Variants in THBS4 observed in about 807,000 individuals in gnomAD.
The protein encoded by THBS4 is thrombospondin-4.
Under a neutral mutation model 115.7 loss-of-function variants are expected in THBS4, and 90 were observed. The ratio of observed to expected loss-of-function variants is 0.78; its 90% CI spans 0.66 to 0.93. The LOEUF is 0.93. Ranked by LOEUF, THBS4 falls within the 40% of genes least tolerant of loss-of-function variation. The probability of loss-of-function intolerance (pLI) is 0.00; values close to 1 mark genes in which losing one functional copy is unlikely to be tolerated. For synonymous variants in THBS4, 460 were observed against 479.3 expected (o/e 0.96, Z 0.53); for missense variants, 1,087 against 1,232.7 (o/e 0.88, Z 1.77).
chr5:80,082,633 A>G, intron 21 of THBS4, 88 bp downstream of exon 21: 10 of 1,518,140 alleles, frequency 6.6e-6, no homozygotes, highest in Non-Finnish European at 9.0e-6. Flanking sequence ...TTCCCCCCCA[A>G]AAGCCCAACG....
chr5:80,051,159 CT>C (rs1234151335), intron 2 of THBS4, among the ~76,000 whole-genome samples: 2 of 152,194 alleles, frequency 1.3e-5, no homozygotes, highest in Admixed American at 1.3e-4. Flanking sequence ...TGTCTGTTCT[CT>C]TCCCCTTCCC....
rs149360210 is a variant in THBS4, at chr5:80,059,783, C to G, written c.865C>G (p.Arg289Gly). 6.2e-7 allele frequency: 1 copy of G among 1,614,178 alleles called. No homozygotes were observed. The highest frequency in any genetic ancestry group is 1.6e-4 in the Middle Eastern group (1 of 6,062). The change falls in exon 7 of 22, where the codon CGG becomes GGG. Residue 289 changes from arginine (R) to glycine (G), a missense_variant. Arg to Gly is a moderately radical substitution (Grantham distance 125). Transcript: ENST00000350881. ...TGCACCGCCAACACGCCCACCTCGT[C>G]GGTGTGACTCCAACCCATGTTTCCG... The part of the protein sequence containing the change: ...PPAPPTRPPR[R>G]CDSNPCFRGV...
At chr5:80,069,302 A>G (rs1833948155) in intron 10 of THBS4, among the ~76,000 whole-genome samples, 1 of 152,266 alleles carries the variant, frequency 6.6e-6, no homozygotes, top group Non-Finnish European at 1.5e-5. Flanking sequence ...AAATAAATAT[A>G]ATGAAGTCAG....
At chr5:80,055,281 C>T (rs780249931) in intron 2 of THBS4, among the ~76,000 whole-genome samples, 1 of 151,596 alleles carries the variant, frequency 6.6e-6, no homozygotes, top group Non-Finnish European at 1.5e-5. Context: ...GAGATCGTCC[C>T]ACTGCACTGC....
chr5:80,058,698 G>T lies in THBS4; in HGVS notation c.650-10G>T. On this transcript the variant is annotated splice_polypyrimidine_tract_variant and intron_variant, in intron 4 of 21. Coordinates refer to ENST00000350881, the MANE Select transcript of THBS4 (RefSeq NM_003248.6). ...GGCTGAAAACTCTTTGCCTTTTGCT[G>T]TTCCTACAGGGGACTTTAACCGGCA... The T allele has an allele frequency of 2.5e-6, 4 of 1,614,078 alleles. No homozygotes were observed. Among genetic ancestry groups the T allele is most frequent in the Non-Finnish European group, 3.4e-6 (4 of 1,179,940 alleles).
chr5:80,045,408 C>T (rs1013542447), intron 2 of THBS4, among the ~76,000 whole-genome samples: 4 of 151,908 alleles, frequency 2.6e-5, no homozygotes, highest in Non-Finnish European at 5.9e-5. Context: ...GGTTCTGTAG[C>T]TTGCAAGCTA....
At chr5:80,002,939 A>G (rs1035604470) in intron 2 of THBS4, among the ~76,000 whole-genome samples, 2 of 151,912 alleles carry the variant, frequency 1.3e-5, no homozygotes, top group African/African-American at 4.8e-5. Flanking sequence ...AAAAAAAACA[A>G]AAACATGTTG....
intron 8 of THBS4, among the ~76,000 whole-genome samples, chr5:80,062,425 G>A (rs1833666351): frequency 6.6e-6 from 1 of 152,232 alleles, no homozygotes; most frequent in African/African-American, 2.4e-5. Flanking sequence ...CCTTAAAAAT[G>A]GTTGTTCTAT....
Position 80,016,311 on chromosome 5 carries a change from C to G in THBS4, n.177+17884C>G, listed in dbSNP as rs142502774. Among the ~76,000 whole-genome samples the G allele has an allele frequency of 3.1e-3, 468 of 152,320 alleles. 5 individuals carry two copies. Among genetic ancestry groups the G allele is most frequent in the African/African-American group, 0.011 (444 of 41,566 alleles). On this transcript the variant is annotated intron_variant and non_coding_transcript_variant, in intron 2 of 3. Transcript: ENST00000510218. ...GGCAAAGGGCTATGTCCCTTCATAG[C>G]CTAATTCTTGGGGTCACCCCATTGT...
In THBS4 at chr5:80,074,060, A is replaced by AGATTGAGTT. The variant is rs369107550; in HGVS notation, c.1892+737_1892+745dup. On this transcript the variant is annotated intron_variant, in intron 15 of 21. Transcript: ENST00000350881. Reference sequence around the variant, plus strand: ...GATCTAGCTCATAGGACCATCGTGAAGATTGAGTTGATCCATGGAAAGTGC... The same window carrying AGATTGAGTT: ...GATCTAGCTCATAGGACCATCGTGAAGATTGAGTTGATTGAGTTGATCCATGGAAAGTGC... Among the ~76,000 whole-genome samples, 287 of 152,344 alleles carry AGATTGAGTT rather than the reference A, an allele frequency of 1.9e-3. 3 individuals are homozygous for AGATTGAGTT. Among genetic ancestry groups the AGATTGAGTT allele is most frequent in the African/African-American group, 6.4e-3 (267 of 41,582 alleles).
In THBS4 at chr5:80,065,419, A is replaced by G; in HGVS notation, c.1136A>G (p.Asp379Gly). The G allele has an allele frequency of 6.2e-7, 1 of 1,613,190 alleles. No individual in the cohort carries two copies. The highest frequency in any genetic ancestry group is 1.3e-5 in the African/African-American group (1 of 75,026). Reference sequence around the variant, plus strand: ...ACTTTTCTGCACTAGGTCTGCACTGACATTGATGAGTGTCGAAATGGAGCG... The same window carrying G: ...ACTTTTCTGCACTAGGTCTGCACTGGCATTGATGAGTGTCGAAATGGAGCG... ...FAKSNKQVCT[D>G]IDECRNGACV... The change falls in exon 9 of 22, where the codon GAC becomes GGC. Residue 379 changes from aspartate to glycine, a missense_variant. By Grantham distance (94) the Asp-to-Gly change is moderately conservative. This residue lies in a region of THBS4 where 979 missense variants were observed against 1,103.7 expected (regional missense o/e 0.89). Transcript: ENST00000350881.
chr5:80,009,174 A>G (rs894671240), intron 2 of THBS4, among the ~76,000 whole-genome samples: 1 of 152,218 alleles, frequency 6.6e-6, no homozygotes, highest in Non-Finnish European at 1.5e-5. Flanking sequence ...TTGAAAGAAC[A>G]GTTAGTACAG....
At chr5:80,000,769 G>T (rs1371953769) in intron 2 of THBS4, among the ~76,000 whole-genome samples, 1 of 152,152 alleles carries the variant, frequency 6.6e-6, no homozygotes, top group Non-Finnish European at 1.5e-5. Flanking sequence ...CAGTAACTCA[G>T]TGTAAATATC....
intron 15 of THBS4, chr5:80,074,313 C>T (rs147973104): frequency 1.5e-4 from 23 of 152,276 alleles, no homozygotes; most frequent in African/African-American, 5.1e-4. Flanking sequence ...TAGCTCAACA[C>T]GATGGAGTCC....
At chr5:80,048,532 A>G (rs1334782896) in intron 2 of THBS4, among the ~76,000 whole-genome samples, 1 of 152,122 alleles carries the variant, frequency 6.6e-6, no homozygotes, top group African/African-American at 2.4e-5. Flanking sequence ...TTTGTTGTCT[A>G]CTAGATAGTT....
chr5:80,064,133 A>G (rs1279288310), intron 8 of THBS4, among the ~76,000 whole-genome samples: 2 of 152,250 alleles, frequency 1.3e-5, no homozygotes, highest in Admixed American at 6.5e-5. Context: ...AGAAACAACA[A>G]AGAAGCTCTT....
At position 80,035,616 on chromosome 5, in the gene THBS4, A is replaced by AC. The variant is rs771166085; in HGVS notation, c.85dup (p.Gln29ProfsTer4). 8 of 1,385,030 alleles carry AC rather than the reference A, an allele frequency of 5.8e-6. No homozygotes were observed. Among genetic ancestry groups the AC allele is most frequent in the South Asian group, 3.3e-5 (2 of 61,176 alleles). 85.8% of individuals were successfully genotyped at this position (1,385,030 alleles called of 1,614,324 possible). Reference sequence around the variant, plus strand: ...GTGGCTAGCGGCAGGCGCCCAGGCCACCCCCCAGGGTAAGTGGGTTCGGGT... The same window carrying AC: ...GTGGCTAGCGGCAGGCGCCCAGGCCACCCCCCCAGGGTAAGTGGGTTCGGGT... On this transcript the variant is annotated frameshift_variant, in exon 1 of 22. Transcript: ENST00000350881. LOFTEE classifies it high-confidence loss of function. The surrounding 1 kb of genome is among the most constrained non-coding windows in gnomAD (Gnocchi z 4.6).
chr5:80,062,611 T>C (rs1833674029), intron 8 of THBS4, among the ~76,000 whole-genome samples: 1 of 152,206 alleles, frequency 6.6e-6, no homozygotes, highest in Non-Finnish European at 1.5e-5. Flanking sequence ...TGTATACATG[T>C]GCCATACTGG....
intron 2 of THBS4, among the ~76,000 whole-genome samples, chr5:80,030,345 G>A (rs1832561397): frequency 2.0e-5 from 3 of 152,002 alleles, no homozygotes; most frequent in Admixed American, 2.0e-4. Flanking sequence ...GGCCACAGGT[G>A]GGCACCACCA....
Sources: allele counts gnomAD v4.1 joint callset (sites outside exome capture counted in the v4.1 genomes callset), GRCh38; gene constraint gnomAD v4.1.1; regional missense constraint gnomAD v4.1.1; non-coding constraint Gnocchi (gnomAD v3.1); transcripts MANE v1.5; gene names NCBI Gene and HGNC (gene_info 2026-07-23, HGNC 2026-07-21).